GALNT13: variants seen among roughly 807,000 people sequenced by gnomAD.
GALNT13 encodes polypeptide N-acetylgalactosaminyltransferase 13, also known as UDP-GalNAc:polypeptide N-acetylgalactosaminyltransferase 13.
Under a neutral mutation model 64.2 loss-of-function variants are expected in GALNT13, and 28 were observed. That is an observed-to-expected ratio of 0.44 (90% CI 0.32 to 0.60). The LOEUF is 0.60. GALNT13 is among the 20% of genes least tolerant of loss of function. The pLI, the probability that GALNT13 is intolerant of heterozygous loss-of-function variation, is 0.05. For missense variants in GALNT13, 577 were observed against 669.8 expected (o/e 0.86, Z 1.53); for synonymous variants, 214 against 224.6 (o/e 0.95, Z 0.42).
chr2:153,269,132 A>G, the GALNT13 span, among the ~76,000 whole-genome samples: 7 of 152,254 alleles, frequency 4.6e-5, no homozygotes, highest in African/African-American at 1.7e-4. Context: ...TTTCTTTTCT[A>G]CCTTGTGGTC....
the GALNT13 span, among the ~76,000 whole-genome samples, chr2:153,302,525 T>G: frequency 2.0e-5 from 3 of 152,176 alleles, no homozygotes; most frequent in African/African-American, 7.2e-5. Context: ...TTGTCGTCTC[T>G]TCAGTCTGTT....
chr2:153,622,820 G>A, the GALNT13 span, among the ~76,000 whole-genome samples: 4 of 151,862 alleles, frequency 2.6e-5, no homozygotes, highest in Non-Finnish European at 5.9e-5. Context: ...TATCTTTATT[G>A]CCAATATTAT....
At chr2:153,416,789 C>T in the GALNT13 span, among the ~76,000 whole-genome samples, 1 of 152,182 alleles carries the variant, frequency 6.6e-6, no homozygotes, top group Non-Finnish European at 1.5e-5. Flanking sequence ...ACACCGAATA[C>T]TCTTGCCCTC....
chr2:153,627,104 T>C, the GALNT13 span, among the ~76,000 whole-genome samples: 9 of 152,068 alleles, frequency 5.9e-5, no homozygotes, highest in Admixed American at 2.6e-4. Context: ...GGGAATGTAA[T>C]ACCTGAAGGT....
chr2:153,125,524 T>C, the GALNT13 span, among the ~76,000 whole-genome samples: 1 of 152,244 alleles, frequency 6.6e-6, no homozygotes, highest in African/African-American at 2.4e-5. Context: ...GGACTAAATG[T>C]TCTTAGTTTC....
intron 8 of GALNT13, among the ~76,000 whole-genome samples, chr2:154,268,413 G>A (rs1490249380): frequency 1.3e-5 from 2 of 152,156 alleles, no homozygotes; most frequent in Non-Finnish European, 2.9e-5. Context: ...AGATTGAGGT[G>A]GCAGAGGGAG....
chr2:153,458,365 C>A, the GALNT13 span, among the ~76,000 whole-genome samples: 1 of 152,102 alleles, frequency 6.6e-6, no homozygotes, highest in East Asian at 1.9e-4. Flanking sequence ...TCTTTTCATT[C>A]GAGCTTCAAA....
the GALNT13 span, among the ~76,000 whole-genome samples, chr2:153,511,904 ACTGGAGT>A: frequency 1.3e-5 from 2 of 152,174 alleles, no homozygotes; most frequent in African/African-American, 4.8e-5. Flanking sequence ...TTGAAGAGGA[ACTGGAGT>A]CTGGAGTCCA....
chr2:153,999,907 T>A (rs969169418), intron 3 of GALNT13, among the ~76,000 whole-genome samples: 4 of 151,990 alleles, frequency 2.6e-5, no homozygotes, highest in African/African-American at 7.2e-5. Context: ...TTCTTTTTTT[T>A]AAATGTTTGT....
chr2:154,366,376 C>T (rs900958373), intron 9 of GALNT13, among the ~76,000 whole-genome samples: 10 of 152,128 alleles, frequency 6.6e-5, no homozygotes, highest in African/African-American at 2.4e-4. Flanking sequence ...ATGTCACTCG[C>T]TATATATGTA....
chr2:154,096,810 G>T (rs902181823), intron 3 of GALNT13, among the ~76,000 whole-genome samples: 31 of 151,902 alleles, frequency 2.0e-4, no homozygotes, highest in African/African-American at 6.8e-4. Context: ...TATCTGAAAA[G>T]GTCTTAATAA....
chr2:153,697,234 A>G, the GALNT13 span, among the ~76,000 whole-genome samples: 7 of 152,172 alleles, frequency 4.6e-5, no homozygotes, highest in African/African-American at 1.4e-4. Context: ...CTAATTCCTG[A>G]TGCTGAATTC....
chr2:154,161,812 G>A (rs965227809), intron 4 of GALNT13, among the ~76,000 whole-genome samples: 2 of 149,966 alleles, frequency 1.3e-5, no homozygotes, highest in Non-Finnish European at 3.0e-5. Context: ...AGACGGTCTC[G>A]CTCTGTTGCC....
At chr2:154,343,647 A>G (rs1204858526) in intron 9 of GALNT13, among the ~76,000 whole-genome samples, 2 of 151,980 alleles carry the variant, frequency 1.3e-5, no homozygotes, top group South Asian at 2.1e-4. Context: ...AAACTTACCT[A>G]TGTTGATCTT....
In GALNT13 at chr2:154,237,397, CTATT is replaced by C. The variant is rs199558349; in HGVS notation, c.312-4631_312-4628del. On this transcript the variant is annotated intron_variant, in intron 4 of 12. Transcript: ENST00000392825. The stretch of plus-strand genomic sequence containing the variant: ...GAATAGATTATTAGCCAAGTTCTAT[CTATT>C]TGTTTTGTTTTAAGTACTTATCCCC... Among the ~76,000 whole-genome samples the C allele has an allele frequency of 7.7e-3, 1,159 of 151,186 alleles. 17 individuals carry two copies. Among genetic ancestry groups the C allele is most frequent in the African/African-American group, 0.026 (1,082 of 41,258 alleles).
At chr2:153,949,201 A>G (rs10211082) in intron 3 of GALNT13, among the ~76,000 whole-genome samples, 20,069 of 152,140 alleles carry the variant, frequency 0.13, 1,557 homozygotes, top group African/African-American at 0.21. Flanking sequence ...AGTACATTCT[A>G]TGATGTTTGC....
chr2:154,271,037 C>T (rs1691325077), intron 8 of GALNT13, among the ~76,000 whole-genome samples: 2 of 151,828 alleles, frequency 1.3e-5, no homozygotes, highest in Admixed American at 6.6e-5. Flanking sequence ...AACTCACATA[C>T]ACAAGATGCA....
intron 3 of GALNT13, among the ~76,000 whole-genome samples, chr2:154,136,820 C>G (rs561910158): frequency 6.6e-6 from 1 of 151,970 alleles, no homozygotes; most frequent in Non-Finnish European, 1.5e-5. Context: ...TTGAAGTCTA[C>G]GCCAGCTTTG....
chr2:154,064,465 C>T (rs34463667), intron 3 of GALNT13, among the ~76,000 whole-genome samples: 28,749 of 152,012 alleles, frequency 0.19, 3,410 homozygotes, highest in Non-Finnish European at 0.26. Flanking sequence ...ACAGCTCTGA[C>T]GGCTTATTTC....
Sources: gnomAD v4.1 joint callset for allele counts (sites outside exome capture counted in the v4.1 genomes callset) on GRCh38, gnomAD v4.1.1 for gene constraint, MANE v1.5 for transcripts, NCBI Gene and HGNC (gene_info 2026-07-23, HGNC 2026-07-21) for gene names.